ABCC6: variants seen among roughly 807,000 people sequenced by gnomAD.
ABCC6 encodes the protein ATP-binding cassette sub-family C member 6.
In ABCC6, 126 loss-of-function variants were observed where a neutral mutation model predicts 169.5. That is an observed-to-expected ratio of 0.74 (90% CI 0.64 to 0.86). The LOEUF is 0.86. ABCC6 is among the 40% of genes least tolerant of loss of function. ABCC6 has a pLI of 0.00. For missense variants in ABCC6, 1,733 were observed against 1,927.2 expected (o/e 0.90, Z 1.89); for synonymous variants, 752 against 814.7 (o/e 0.92, Z 1.31).
At chr16:16,206,828 C>T (rs1350174782) in intron 7 of ABCC6, among the ~76,000 whole-genome samples, 4 of 152,196 alleles carry the variant, frequency 2.6e-5, no homozygotes, top group East Asian at 1.9e-4. Flanking sequence ...CTGCCACTTC[C>T]GTAAAATCAT....
rs141549818 is a variant in ABCC6, at chr16:16,200,552, G to A, written c.1176+1449C>T. ...GAAGATCAATGCCTGCTCACCAGGC[G>A]GCCTTCCTCTTAGGCTCAAGGAAAT... On this transcript the variant is annotated intron_variant, in intron 9 of 30. Transcript: ENST00000205557. 2.2e-3 allele frequency among the ~76,000 whole-genome samples: 315 copies of A among 142,344 alleles called. 1 individual carries two copies. The highest frequency in any genetic ancestry group is 7.4e-3 in the African/African-American group (296 of 39,956). 93.4% of individuals were successfully genotyped at this position (142,344 alleles called of 152,430 possible). A position where few individuals can be genotyped will look rare whatever the true frequency, so the allele number is the denominator to read the frequency against.
intron 10 of ABCC6, among the ~76,000 whole-genome samples, chr16:16,193,708 C>T (rs1000118799): frequency 2.0e-5 from 3 of 152,154 alleles, no homozygotes; most frequent in Non-Finnish European, 2.9e-5. Context: ...AGTGAGACTC[C>T]GTCTCAAAAA....
chr16:16,159,464 C>A lies in ABCC6; in HGVS notation c.3735+18G>T. The A allele has an allele frequency of 6.2e-7, 1 of 1,612,550 alleles. No homozygotes were observed. ...ATATGTCCTTGCTGGGACCCCCTCC[C>A]CACCTCCCGCCCATCACCTCCTTGG... On this transcript the variant is annotated intron_variant, in intron 26 of 30. Coordinates refer to ENST00000205557, the MANE Select transcript of ABCC6 (RefSeq NM_001171.6).
In ABCC6 at chr16:16,204,406, AC is replaced by A. The variant is rs557892563; in HGVS notation, c.795-794del. On this transcript the variant is annotated intron_variant, in intron 7 of 30. Coordinates refer to ENST00000205557, the MANE Select transcript of ABCC6 (RefSeq NM_001171.6). ...GTTGTCAACCTGGAGGAAGAACAGC[AC>A]CCCGTCCCCAACACACACAATCAGC... Among the ~76,000 whole-genome samples, 17 of 152,110 alleles carry A rather than the reference AC, an allele frequency of 1.1e-4. 1 individual carries two copies. The East Asian group carries it at 3.3e-3, about 29-fold the overall frequency.
Position 16,154,943 on chromosome 16 carries a change from C to T in ABCC6, c.3971G>A (p.Trp1324Ter), listed in dbSNP as rs72653750. ...GTGGGCAATGGGGACCCCGTCGATC[C>T]AGATCCCACCCTCAGCTGCCTCCTG... ...RLQEAAEGGI[W>*]IDGVPIAHVG... is the part of the protein sequence containing the mutation. Residue 1324 changes from tryptophan (W) to a stop codon, truncating the protein, a stop_gained, in exon 28 of 31, where the codon TGG (tryptophan) becomes TAG (stop). Transcript: ENST00000205557. LOFTEE classifies it high-confidence loss of function. The T allele has an allele frequency of 1.3e-6, 2 of 1,595,686 alleles. No homozygotes were observed. Among genetic ancestry groups the T allele is most frequent in the Admixed American group, 3.5e-5 (2 of 57,538 alleles).
rs73524083 is a variant in ABCC6 at position 16,206,092 on chromosome 16, C to T, written c.795-2479G>A. Among the ~76,000 whole-genome samples the T allele has an allele frequency of 6.1e-3, 936 of 152,338 alleles. 11 individuals carry two copies. The highest frequency in any genetic ancestry group is 0.019 in the African/African-American group (800 of 41,564). On this transcript the variant is annotated intron_variant, in intron 7 of 30. Coordinates refer to ENST00000205557, the MANE Select transcript of ABCC6 (RefSeq NM_001171.6). ...AGTTTTCTTTCTGGCTGAGGTTCTG[C>T]TCAGTTCTATTTGAGCTGTTTAACC...
In ABCC6 at chr16:16,182,534, C is replaced by G. The variant is rs114303883; in HGVS notation, c.2125G>C (p.Glu709Gln). The G allele has an allele frequency of 1.2e-6, 2 of 1,614,198 alleles. No homozygotes were observed. Among genetic ancestry groups the G allele is most frequent in the East Asian group, 4.5e-5 (2 of 44,872 alleles). ...EAWVQNTSVV[E>Q]NVCFGQELDP... is the part of the protein sequence containing the mutation. ...AGCTCCTGCCCGAAGCACACATTCT[C>G]TACCACAGAGGTGTTCTGCACCCAG... Residue 709 changes from glutamate (E) to glutamine (Q), a missense_variant, in exon 17 of 31, where the codon GAG becomes CAG. Glu to Gln is a conservative substitution (Grantham distance 29). Coordinates refer to ENST00000205557, the MANE Select transcript of ABCC6 (RefSeq NM_001171.6).
At chr16:16,206,724 T>G (rs2048403879) in intron 7 of ABCC6, among the ~76,000 whole-genome samples, 1 of 152,064 alleles carries the variant, frequency 6.6e-6, no homozygotes, top group Non-Finnish European at 1.5e-5. Context: ...TTTCTACCCT[T>G]TAGTTCTAGT....
intron 11 of ABCC6, among the ~76,000 whole-genome samples, chr16:16,192,007 T>C (rs1203636628): frequency 6.6e-6 from 1 of 151,726 alleles, no homozygotes; most frequent in African/African-American, 2.4e-5. Flanking sequence ...GGAAGTGCTG[T>C]GGGGGGAAAA....
In ABCC6 at chr16:16,150,239, A is replaced by AC; in HGVS notation, c.4405dup (p.Val1469GlyfsTer59). 1 of 1,613,910 alleles carries AC rather than the reference A, an allele frequency of 6.2e-7. No individual in the cohort carries two copies. On this transcript the variant is annotated frameshift_variant and splice_region_variant, in exon 31 of 31. Coordinates refer to ENST00000205557, the MANE Select transcript of ABCC6 (RefSeq NM_001171.6). LOFTEE classifies it high-confidence loss of function. ...CACCTGCCCCTTGTCCATGACCAGAACCCTGTGGGGGAGAGGGAGACAGAG... is the reference window on the plus strand; with the variant it reads ...CACCTGCCCCTTGTCCATGACCAGAACCCCTGTGGGGGAGAGGGAGACAGAG...
intron 23 of ABCC6, among the ~76,000 whole-genome samples, chr16:16,164,252 G>A (rs1596611220): frequency 6.6e-6 from 1 of 152,018 alleles, no homozygotes; most frequent in Non-Finnish European, 1.5e-5. Flanking sequence ...GGCTGGTCTC[G>A]AACTCCTGAC....
intron 12 of ABCC6, 129 bp downstream of exon 12, chr16:16,190,035 A>C: frequency 1.1e-5 from 10 of 915,860 alleles, no homozygotes; most frequent in Non-Finnish European, 1.7e-5. Flanking sequence ...CAGAGAGAAC[A>C]GGATCCAGAA....
intron 20 of ABCC6, among the ~76,000 whole-genome samples, chr16:16,174,760 A>ACC (rs386789398): frequency 2.0e-4 from 19 of 94,702 alleles, no homozygotes; most frequent in African/African-American, 6.5e-4. Context: ...CTGTCTCAAA[A>ACC]CCCCCCCCCG....
chr16:16,221,854 C>T, intron 1 of ABCC6, 23 bp from the exon 2 acceptor site: 1 of 1,612,494 alleles, frequency 6.2e-7, no homozygotes. Context: ...AAAGAGGACC[C>T]TTAGGATGGT....
In ABCC6 at chr16:16,150,699, C is replaced by G; in HGVS notation, c.4282G>C (p.Ala1428Pro). The change falls in exon 30 of 31, where the codon GCT becomes CCT. Residue 1428 changes from alanine to proline, a missense_variant. This residue lies in a region of ABCC6 where 1,601 missense variants were observed against 1,635.5 expected (regional missense o/e 0.98). Coordinates refer to ENST00000205557, the MANE Select transcript of ABCC6 (RefSeq NM_001171.6). ...GTGCCAGGGTCCACGGCAGCAGTAGCCTCGTCCAGGATGAGGATCTGGGTC... is the reference window on the plus strand; with the variant it reads ...GTGCCAGGGTCCACGGCAGCAGTAGGCTCGTCCAGGATGAGGATCTGGGTC... ...RKTQILILDE[A>P]TAAVDPGTEL... The G allele has an allele frequency of 6.2e-7, 1 of 1,613,862 alleles. No individual in the cohort carries two copies.
In ABCC6 at chr16:16,158,791, A is replaced by C. The variant is rs145636218; in HGVS notation, c.3735+691T>G. Among the ~76,000 whole-genome samples, 376 of 152,008 alleles carry C rather than the reference A, an allele frequency of 2.5e-3. 2 individuals are homozygous for C. The highest frequency in any genetic ancestry group is 4.7e-3 in the Admixed American group (72 of 15,264). ...GTTATTTTGCTGGAATGTTGCCATCATGTTACTATAATGTTGCTGTTTTGT... is the reference window on the plus strand; with the variant it reads ...GTTATTTTGCTGGAATGTTGCCATCCTGTTACTATAATGTTGCTGTTTTGT... On this transcript the variant is annotated intron_variant, in intron 26 of 30. Transcript: ENST00000205557.
At chr16:16,206,845 G>A (rs980949503) in intron 7 of ABCC6, among the ~76,000 whole-genome samples, 3 of 152,146 alleles carry the variant, frequency 2.0e-5, no homozygotes, top group Admixed American at 6.5e-5. Flanking sequence ...TCATTCAAAA[G>A]TAGAGGGTGA....
chr16:16,221,456 C>A (rs1354238666), intron 2 of ABCC6, 193 bp downstream of exon 2: 3 of 1,448,220 alleles, frequency 2.1e-6, no homozygotes, highest in Admixed American at 2.8e-5. Flanking sequence ...TTCGGAATTA[C>A]AAAATCTGTT....
At chr16:16,190,065 G>C (rs574346053) in intron 12 of ABCC6, 99 bp downstream of exon 12, 4 of 1,278,070 alleles carry the variant, frequency 3.1e-6, no homozygotes, top group South Asian at 1.2e-5. Context: ...TTTGATGGAC[G>C]GGGTGGTAGG....
Sources: gnomAD v4.1 joint callset for allele counts (sites outside exome capture counted in the v4.1 genomes callset) on GRCh38, gnomAD v4.1.1 for gene constraint, gnomAD v4.1.1 regional missense constraint, MANE v1.5 for transcripts, NCBI Gene and HGNC (gene_info 2026-07-23, HGNC 2026-07-21) for gene names.